The following LRFN2 variants were observed in gnomAD, a reference collection of about 807,000 sequenced individuals.
LRFN2 encodes the protein leucine-rich repeat and fibronectin type-III domain-containing protein 2.
In LRFN2, 18 loss-of-function variants were observed where a neutral mutation model predicts 37.3. The observed-to-expected ratio is 0.48, with a 90% CI of 0.33 to 0.72. LRFN2 has a LOEUF of 0.72. LRFN2 is among the 30% of genes least tolerant of loss of function. LRFN2 has a pLI of 0.02. For synonymous variants in LRFN2, 556 were observed against 466.6 expected (o/e 1.19, Z -2.47); for missense variants, 1,006 against 1,060.7 (o/e 0.95, Z 0.72).
intron 1 of LRFN2, among the ~76,000 whole-genome samples, chr6:40,449,378 C>T (rs893869698): frequency 8.5e-5 from 13 of 152,212 alleles, no homozygotes; most frequent in African/African-American, 1.2e-4. Flanking sequence ...CAAATAAAGA[C>T]TGTATTTCCC....
At chr6:40,417,311 T>C (rs1231308583) in intron 2 of LRFN2, among the ~76,000 whole-genome samples, 5 of 152,104 alleles carry the variant, frequency 3.3e-5, no homozygotes, top group South Asian at 2.1e-4. Flanking sequence ...GTCTCCATGC[T>C]CAGTGCCTCG....
Position 40,431,724 on chromosome 6 carries a change from G to A in LRFN2, c.1390C>T (p.Leu464=), listed in dbSNP as rs1475913701. 1.8e-5 allele frequency: 27 copies of A among 1,513,082 alleles called. No homozygotes were observed. The highest frequency in any genetic ancestry group is 4.2e-5 in the African/African-American group (3 of 71,656). 93.7% of individuals were successfully genotyped at this position (1,513,082 alleles called of 1,614,324 possible). A position where few individuals can be genotyped will look rare whatever the true frequency, so the allele number is the denominator to read the frequency against. Residue 464 remains leucine, a synonymous_variant, in exon 2 of 3, where the codon CTG becomes TTG. Coordinates refer to ENST00000338305, the MANE Select transcript of LRFN2 (RefSeq NM_020737.3). ...LQYNCSDDEV[L]IYRMIPASNK... ...CAGCCGCTTGCTCACCTGTAAATCA[G>A]TACCTCATCGTCAGAGCAGTTGTAC...
intron 1 of LRFN2, among the ~76,000 whole-genome samples, chr6:40,487,294 C>T (rs1298295031): frequency 6.6e-6 from 1 of 152,172 alleles, no homozygotes; most frequent in Non-Finnish European, 1.5e-5. Context: ...GTGAGTAGAT[C>T]ATTTATGCCA....
chr6:40,479,884 A>G (rs1393292706), intron 1 of LRFN2, among the ~76,000 whole-genome samples: 1 of 152,240 alleles, frequency 6.6e-6, no homozygotes, highest in African/African-American at 2.4e-5. Context: ...TGCTGCTGTG[A>G]AATAAGTTTG....
chr6:40,563,155 G>C (rs1344944551), intron 1 of LRFN2, among the ~76,000 whole-genome samples: 1 of 152,076 alleles, frequency 6.6e-6, no homozygotes, highest in African/African-American at 2.4e-5. Context: ...ACCCCTCCGT[G>C]CACACACATG....
intron 1 of LRFN2, among the ~76,000 whole-genome samples, chr6:40,466,903 T>C (rs866940433): frequency 1.3e-5 from 2 of 152,054 alleles, no homozygotes; most frequent in South Asian, 2.1e-4. Flanking sequence ...CGTAATCCCA[T>C]GTGCCTGGTA....
In LRFN2 at chr6:40,528,061, T is replaced by A. The variant is rs553609632; in HGVS notation, c.-19+58880A>T. Among the ~76,000 whole-genome samples the A allele has an allele frequency of 2.2e-3, 331 of 152,332 alleles. 1 individual carries two copies. Among genetic ancestry groups the A allele is most frequent in the African/African-American group, 7.6e-3 (314 of 41,576 alleles). ...AACTGCCCAAGGTCACACCGCTGAT[T>A]AAGGCCAGAGTGGGAATTCAAACCC... On this transcript the variant is annotated intron_variant, in intron 1 of 2. Transcript: ENST00000338305.
intron 1 of LRFN2, among the ~76,000 whole-genome samples, chr6:40,459,052 A>C (rs186270582): frequency 1.0e-3 from 159 of 152,364 alleles, no homozygotes; most frequent in African/African-American, 3.6e-3. Flanking sequence ...AGTTTATTTC[A>C]TACGTGGTTT....
At chr6:40,534,645 C>G (rs917905702) in intron 1 of LRFN2, among the ~76,000 whole-genome samples, 4 of 152,134 alleles carry the variant, frequency 2.6e-5, no homozygotes, top group Admixed American at 6.5e-5. Context: ...AAAATACACA[C>G]AGTGAGCTCA....
chr6:40,461,092 G>A (rs571911693), intron 1 of LRFN2, among the ~76,000 whole-genome samples: 7 of 152,272 alleles, frequency 4.6e-5, no homozygotes, highest in African/African-American at 1.7e-4. Context: ...AGCATTTTGA[G>A]CTGAAAAGTG....
intron 1 of LRFN2, among the ~76,000 whole-genome samples, chr6:40,577,108 C>CTCTTCTCTTCTCTTCTCTTCTCCTCT (rs150002933): frequency 1.9e-5 from 2 of 104,586 alleles, no homozygotes; most frequent in African/African-American, 4.0e-5. Context: ...CTTTTCCTTT[C>CTCTTCTCTTCTCTTCTCTTCTCCTCT]TTTTCTTTTT....
rs75419710 is a variant in LRFN2 at position 40,394,150 on chromosome 6, G to A, written c.1401-1238C>T. Among the ~76,000 whole-genome samples, 946 of 152,104 alleles carry A rather than the reference G, an allele frequency of 6.2e-3. 11 individuals are homozygous for A. Among genetic ancestry groups the A allele is most frequent in the African/African-American group, 0.022 (900 of 41,480 alleles). On this transcript the variant is annotated intron_variant, in intron 2 of 2. Transcript: ENST00000338305. Reference sequence around the variant, plus strand: ...TGGGGAAGCACTCTCCCCACATTGTGGCTGGTCCTCTCCTGCCTGGAACTC... The same window carrying A: ...TGGGGAAGCACTCTCCCCACATTGTAGCTGGTCCTCTCCTGCCTGGAACTC...
chr6:40,404,744 T>C (rs1000423995), intron 2 of LRFN2, among the ~76,000 whole-genome samples: 17 of 152,194 alleles, frequency 1.1e-4, no homozygotes, highest in Non-Finnish European at 1.9e-4. Flanking sequence ...TTGTCCAGCT[T>C]TGGGGAGTTC....
At chr6:40,446,913 C>T (rs943607273) in intron 1 of LRFN2, among the ~76,000 whole-genome samples, 10 of 149,552 alleles carry the variant, frequency 6.7e-5, no homozygotes, top group Admixed American at 2.7e-4. Context: ...GTGTCTCCCT[C>T]AGACTGGGGC....
chr6:40,403,969 G>A (rs941738628), intron 2 of LRFN2, among the ~76,000 whole-genome samples: 2 of 152,056 alleles, frequency 1.3e-5, no homozygotes, highest in Admixed American at 6.5e-5. Flanking sequence ...ATCTGCCAAG[G>A]GGAATCCTGC....
chr6:40,413,882 C>G (rs978102289), intron 2 of LRFN2, among the ~76,000 whole-genome samples: 2 of 152,196 alleles, frequency 1.3e-5, no homozygotes, highest in South Asian at 2.1e-4. Context: ...CAGTCTCCCC[C>G]TCATGGTGGT....
chr6:40,395,823 C>T (rs932291821), intron 2 of LRFN2, among the ~76,000 whole-genome samples: 3 of 152,212 alleles, frequency 2.0e-5, no homozygotes, highest in African/African-American at 7.2e-5. Context: ...CACCGTCAGT[C>T]TGCTCTGAAT....
intron 1 of LRFN2, among the ~76,000 whole-genome samples, chr6:40,476,824 G>C (rs1764717623): frequency 6.6e-6 from 1 of 152,210 alleles, no homozygotes; most frequent in Admixed American, 6.5e-5. Context: ...CTCGGATGTT[G>C]GTGGCCCAAT....
At position 40,435,014 on chromosome 6, in the gene LRFN2, CATATATATATAT is replaced by C. The variant is rs368583078; in HGVS notation, c.-18-1895_-18-1884del. Among the ~76,000 whole-genome samples the C allele has an allele frequency of 2.9e-3, 141 of 47,998 alleles. 1 individual carries two copies. The highest frequency in any genetic ancestry group is 6.2e-3 in the African/African-American group (95 of 15,288). The allele number at this position is 47,998 out of a possible 152,430, so 31.5% of individuals were successfully genotyped here. On this transcript the variant is annotated intron_variant, in intron 1 of 2. Coordinates refer to ENST00000338305, the MANE Select transcript of LRFN2 (RefSeq NM_020737.3). The stretch of plus-strand genomic sequence containing the variant: ...ATCCCTTTCTTGAGCAATGGTTTTA[CATATATATATAT>C]ATATATATATATATATATATATATA...
Sources: gnomAD v4.1 joint callset for allele counts (sites outside exome capture counted in the v4.1 genomes callset) on GRCh38, gnomAD v4.1.1 for gene constraint, MANE v1.5 for transcripts, NCBI Gene and HGNC (gene_info 2026-07-23, HGNC 2026-07-21) for gene names.